RPE65: variants seen among roughly 807,000 people sequenced by gnomAD.
The protein encoded by RPE65 is retinoid isomerohydrolase.
RPE65 carries 58 observed loss-of-function variants against 68.5 expected under a neutral mutation model. The observed-to-expected ratio is 0.85, with a 90% CI of 0.69 to 1.05. The LOEUF (loss-of-function observed/expected upper bound fraction) is 1.05. Among genes scored for constraint, RPE65 ranks in the 50% least tolerant of loss-of-function variants. The pLI, the probability that RPE65 is intolerant of heterozygous loss-of-function variation, is 0.00. For synonymous variants in RPE65, 220 were observed against 222.2 expected (o/e 0.99, Z 0.09); for missense variants, 643 against 629.9 (o/e 1.02, Z -0.22).
intron 10 of RPE65, among the ~76,000 whole-genome samples, chr1:68,436,670 G>A (rs979168299): frequency 1.3e-5 from 2 of 152,006 alleles, no homozygotes; most frequent in Non-Finnish European, 2.9e-5. Flanking sequence ...GTTTCTCCAT[G>A]TTGGTAAGGC....
intron 10 of RPE65, among the ~76,000 whole-genome samples, chr1:68,433,429 T>C (rs1645840061): frequency 6.6e-6 from 1 of 152,072 alleles, no homozygotes; most frequent in Non-Finnish European, 1.5e-5. Flanking sequence ...AGAGATCAGC[T>C]CTGGATAGGA....
At chr1:68,449,799 T>A in intron 1 of RPE65, 96 bp downstream of exon 1, 2 of 1,406,292 alleles carry the variant, frequency 1.4e-6, no homozygotes, top group South Asian at 2.3e-5. Context: ...CCTAAACAGG[T>A]CATTAATCAA....
In RPE65 at chr1:68,440,921, A is replaced by G. The variant is rs533797369; in HGVS notation, c.575T>C (p.Ile192Thr). 1.2e-6 allele frequency: 2 copies of G among 1,614,050 alleles called. No homozygotes were observed. Among genetic ancestry groups the G allele is most frequent in the Non-Finnish European group, 1.7e-6 (2 of 1,179,944 alleles). ...HIENDGTVYN[I>T]GNCFGKNFSI... ...AAAATTTTTTCCAAAGCAATTACCA[A>G]TATTGTAAACGGTTCCATCATTTTC... Residue 192 changes from isoleucine to threonine, a missense_variant, in exon 6 of 14, where the codon ATT (isoleucine) becomes ACT (threonine). Coordinates refer to ENST00000262340, the MANE Select transcript of RPE65 (RefSeq NM_000329.3).
intron 10 of RPE65, among the ~76,000 whole-genome samples, chr1:68,432,568 G>A (rs1160098481): frequency 6.6e-6 from 1 of 152,066 alleles, no homozygotes; most frequent in African/African-American, 2.4e-5. Flanking sequence ...TGTTTGAGGA[G>A]CATCAAAGAG....
rs1645879495 is a variant in RPE65 at position 68,438,941 on chromosome 1, C to T, written c.998+1G>A. The T allele has an allele frequency of 1.9e-6, 3 of 1,613,962 alleles. No homozygotes were observed. Among genetic ancestry groups the T allele is most frequent in the Non-Finnish European group, 2.5e-6 (3 of 1,179,938 alleles). On this transcript the variant is annotated splice_donor_variant, in intron 9 of 13. Transcript: ENST00000262340. LOFTEE classifies it high-confidence loss of function. ...CCCATTTGTCCAGTGTCCTTTCTTACCCTTTCCAGCAGCAGAGATCCACAA... is the reference window on the plus strand; with the variant it reads ...CCCATTTGTCCAGTGTCCTTTCTTATCCTTTCCAGCAGCAGAGATCCACAA...
rs1343988525 is a variant in RPE65 at position 68,446,750 on chromosome 1, T to C, written c.205A>G (p.Lys69Glu). 6.2e-7 allele frequency: 1 copy of C among 1,614,046 alleles called. No individual in the cohort carries two copies. Among genetic ancestry groups the C allele is most frequent in the African/African-American group, 1.3e-5 (1 of 74,918 alleles). ...HLFDGQALLH[K>E]FDFKEGHVTY... ...ACATGTCCTTCTTTAAAGTCAAACT[T>C]GTGCAGGAGGGCTTGCCCATCAAAC... Residue 69 changes from lysine to glutamate, a missense_variant, in exon 3 of 14, where the codon AAG (lysine) becomes GAG (glutamate). Lys to Glu is a moderately conservative substitution (Grantham distance 56). Transcript: ENST00000262340.
Position 68,444,542 on chromosome 1 carries a change from T to G in RPE65, c.484A>C (p.Thr162Pro), listed in dbSNP as rs774309607. 7 of 1,614,042 alleles carry G rather than the reference T, an allele frequency of 4.3e-6. No homozygotes were observed. The highest frequency in any genetic ancestry group is 5.9e-6 in the Non-Finnish European group (7 of 1,180,020). Residue 162 changes from threonine (T) to proline (P), a missense_variant, in exon 5 of 14, where the codon ACA becomes CCA. Physicochemically the swap from Thr to Pro is conservative, Grantham distance 38. Transcript: ENST00000262340. ...ITKINPETLE[T>P]IKQVDLCNYV... ...GCACTGTGTCCCACCTGCTTAATTG[T>G]CTCCAAGGTCTCTGGATTAATCTTT...
chr1:68,446,244 T>C (rs1454083689), intron 3 of RPE65, among the ~76,000 whole-genome samples: 3 of 151,892 alleles, frequency 2.0e-5, no homozygotes, highest in Non-Finnish European at 2.9e-5. Flanking sequence ...TCCAATTTTA[T>C]AAAAAGAAAA....
intron 10 of RPE65, among the ~76,000 whole-genome samples, chr1:68,435,130 T>G (rs1214508298): frequency 6.6e-6 from 1 of 152,144 alleles, no homozygotes; most frequent in Non-Finnish European, 1.5e-5. Flanking sequence ...GCACTCATCT[T>G]TGTGACGTTA....
chr1:68,439,740 T>A, intron 6 of RPE65, 98 bp from the exon 7 acceptor site: 2 of 953,860 alleles, frequency 2.1e-6, no homozygotes, highest in Admixed American at 1.9e-5. Flanking sequence ...GAAACACATT[T>A]TGATTGTTTT....
At chr1:68,446,570 C>A in intron 3 of RPE65, 140 bp downstream of exon 3, 1 of 959,352 alleles carries the variant, frequency 1.0e-6, no homozygotes. Flanking sequence ...TCCATGCAGA[C>A]ACACTGGCCC....
intron 2 of RPE65, among the ~76,000 whole-genome samples, chr1:68,447,796 G>A (rs905525373): frequency 6.6e-6 from 1 of 152,158 alleles, no homozygotes; most frequent in Non-Finnish European, 1.5e-5. Flanking sequence ...CTTGCAGTGA[G>A]CTGAGATCAT....
chr1:68,447,598 G>A (rs1406467687), intron 2 of RPE65, among the ~76,000 whole-genome samples: 1 of 152,110 alleles, frequency 6.6e-6, no homozygotes, highest in Middle Eastern at 3.2e-3. Context: ...GCGGTGGCTC[G>A]CGCTTGTAAT....
rs56401732 is a variant in RPE65 at position 68,434,091 on chromosome 1, G to GATATAT, written c.1129-2512_1129-2507dup. ...TAGTGGCAAAGTCGAGGGCATGAGG[G>GATATAT]ATATATATATATATATATATATATA... On this transcript the variant is annotated intron_variant, in intron 10 of 13. Transcript: ENST00000262340. Among the ~76,000 whole-genome samples, 43 of 138,598 alleles carry GATATAT rather than the reference G, an allele frequency of 3.1e-4. No individual in the cohort carries two copies. In the Middle Eastern group the frequency reaches 0.014, roughly 47 times the overall value. The allele number at this position is 138,598 out of a possible 152,430, so 90.9% of individuals were successfully genotyped here.
At position 68,431,095 on chromosome 1, in the gene RPE65, A is replaced by C; in HGVS notation, c.1420T>G (p.Ser474Ala). The change falls in exon 13 of 14, where the codon TCT (serine) becomes GCT (alanine). Residue 474 changes from serine to alanine, a missense_variant. Physicochemically the swap from Ser to Ala is moderately conservative, Grantham distance 99. Transcript: ENST00000262340. ...DSYPSEPIFV[S>A]HPDALEEDDG... ...TCTTCTTCCAAGGCATCTGGGTGAG[A>C]AACAAAGATGGGTTCTGATGGGTAT... 1.2e-6 allele frequency: 2 copies of C among 1,613,824 alleles called. No individual in the cohort carries two copies. The highest frequency in any genetic ancestry group is 2.2e-5 in the East Asian group (1 of 44,846).
chr1:68,448,665 G>C lies in RPE65; in HGVS notation c.53C>G (p.Thr18Ser), dbSNP rs1645959906. Reference sequence around the variant, plus strand: ...GAGCGGCGAGGACAGTTCCTCCACAGTTTCAAACAGTTTCTTGTAACCACC... The same window carrying C: ...GAGCGGCGAGGACAGTTCCTCCACACTTTCAAACAGTTTCTTGTAACCACC... ...PAGGYKKLFE[T>S]VEELSSPLTA... The change falls in exon 2 of 14, where the codon ACT (threonine) becomes AGT (serine). Residue 18 changes from threonine (T) to serine (S), a missense_variant. Coordinates refer to ENST00000262340, the MANE Select transcript of RPE65 (RefSeq NM_000329.3). 2 of 1,613,858 alleles carry C rather than the reference G, an allele frequency of 1.2e-6. No individual in the cohort carries two copies. The highest frequency in any genetic ancestry group is 1.7e-6 in the Non-Finnish European group (2 of 1,179,946).
rs1226973278 is a variant in RPE65, at chr1:68,434,115, TACACAC to T, written c.1129-2536_1129-2531del. Among the ~76,000 whole-genome samples, 229 of 99,520 alleles carry T rather than the reference TACACAC, an allele frequency of 2.3e-3. 1 individual carries two copies. Among genetic ancestry groups the T allele is most frequent in the African/African-American group, 6.7e-3 (172 of 25,572 alleles). The allele number at this position is 99,520 out of a possible 152,430, so 65.3% of individuals were successfully genotyped here. A position where few individuals can be genotyped will look rare whatever the true frequency, so the allele number is the denominator to read the frequency against. ...GGATATATATATATATATATATATA[TACACAC>T]ACACACACACACACACACATATACA... On this transcript the variant is annotated intron_variant, in intron 10 of 13. Transcript: ENST00000262340.
In RPE65 at chr1:68,431,066, A is replaced by G. The variant is rs201116540; in HGVS notation, c.1449T>C (p.Asp483=). 1.6e-5 allele frequency: 26 copies of G among 1,612,744 alleles called. No individual in the cohort carries two copies. The East Asian group carries it at 5.1e-4, about 32-fold the overall frequency. The change falls in exon 13 of 14, where the codon GAT becomes GAC. Residue 483 remains aspartate (D), a splice_region_variant and synonymous_variant. Coordinates refer to ENST00000262340, the MANE Select transcript of RPE65 (RefSeq NM_000329.3). ...VSHPDALEED[D]GVVLSVVVSP... ...AGACACAACAATTGCTTTCATTACC[A>G]TCATCTTCTTCCAAGGCATCTGGGT...
chr1:68,439,647 A>C lies in RPE65; in HGVS notation c.644-5T>G. The C allele has an allele frequency of 6.2e-7, 1 of 1,613,532 alleles. No individual in the cohort carries two copies. The highest frequency in any genetic ancestry group is 8.5e-7 in the Non-Finnish European group (1 of 1,179,528). On this transcript the variant is annotated splice_region_variant and splice_polypyrimidine_tract_variant and intron_variant, in intron 6 of 13. Coordinates refer to ENST00000262340, the MANE Select transcript of RPE65 (RefSeq NM_000329.3). Reference sequence around the variant, plus strand: ...TGCTTATTGGATCTTCCTTGTCTGAAATAAAGTGGTTTTAAAAGGCTTTGG... The same window carrying C: ...TGCTTATTGGATCTTCCTTGTCTGACATAAAGTGGTTTTAAAAGGCTTTGG...
Sources: allele counts gnomAD v4.1 joint callset (sites outside exome capture counted in the v4.1 genomes callset), GRCh38; gene constraint gnomAD v4.1.1; transcripts MANE v1.5; gene names NCBI Gene and HGNC (gene_info 2026-07-23, HGNC 2026-07-21).